C9orf85: variants seen among roughly 807,000 people sequenced by gnomAD.
The protein encoded by C9orf85 is uncharacterized protein C9orf85.
A neutral mutation model predicts 14.9 loss-of-function variants in C9orf85; 16 were observed. That is an observed-to-expected ratio of 1.08 (90% CI 0.73 to 1.63). The LOEUF is 1.63. Among genes scored for constraint, C9orf85 ranks in the 40% most tolerant of loss-of-function variants. The probability of loss-of-function intolerance (pLI) is 0.00; values close to 1 mark genes in which losing one functional copy is unlikely to be tolerated. For missense variants in C9orf85, 172 were observed against 186.1 expected, an observed-to-expected ratio of 0.92 and a Z score of 0.44; for synonymous variants, 45 against 56.8, an observed-to-expected ratio of 0.79 and a Z score of 0.93.
intron 2 of C9orf85, among the ~76,000 whole-genome samples, chr9:71,967,578 T>C (rs1385300027): frequency 4.6e-5 from 7 of 152,224 alleles, no homozygotes; most frequent in African/African-American, 1.7e-4. Flanking sequence ...ACCCCATATA[T>C]TGTGATTTTA....
At chr9:71,931,127 A>AT (rs1427222906) in intron 1 of C9orf85, among the ~76,000 whole-genome samples, 2 of 152,244 alleles carry the variant, frequency 1.3e-5, no homozygotes, top group African/African-American at 2.4e-5. Flanking sequence ...TGCAGTACCC[A>AT]TGTCAATCCA....
At chr9:71,959,939 T>A (rs1430914609) in intron 2 of C9orf85, among the ~76,000 whole-genome samples, 3 of 152,190 alleles carry the variant, frequency 2.0e-5, no homozygotes, top group Admixed American at 6.5e-5. Flanking sequence ...GCATCCTCAA[T>A]GTACAAGACA....
chr9:71,915,593 A>G (rs1827627990), intron 1 of C9orf85, among the ~76,000 whole-genome samples: 1 of 152,238 alleles, frequency 6.6e-6, no homozygotes, highest in Non-Finnish European at 1.5e-5. Flanking sequence ...AAAGAAATGC[A>G]TGCTTGTTGA....
At chr9:71,912,074 C>T in intron 1 of C9orf85, 1 of 526,584 alleles carries the variant, frequency 1.9e-6, no homozygotes, top group Non-Finnish European at 3.5e-6. Flanking sequence ...ACAGAGTGAA[C>T]AGGACCCTAA....
At chr9:71,911,992 C>T (rs762189651) in intron 1 of C9orf85, 156 bp downstream of exon 1, 7 of 712,156 alleles carry the variant, frequency 9.8e-6, no homozygotes, top group Non-Finnish European at 1.8e-5. Flanking sequence ...ATGTTATTCT[C>T]ACGCCCTTTC....
intron 2 of C9orf85, among the ~76,000 whole-genome samples, chr9:71,964,411 A>G (rs1267811169): frequency 6.6e-6 from 1 of 152,036 alleles, no homozygotes; most frequent in African/African-American, 2.4e-5. Flanking sequence ...TTGGGTCTAC[A>G]CTGCCTTTAT....
At chr9:71,937,082 T>C (rs973461729) in intron 1 of C9orf85, among the ~76,000 whole-genome samples, 3 of 152,226 alleles carry the variant, frequency 2.0e-5, no homozygotes, top group Non-Finnish European at 2.9e-5. Flanking sequence ...AAAGTTGCGA[T>C]AGATTTATCA....
In C9orf85 at chr9:71,982,760, C is replaced by T. The variant is rs1049189606; in HGVS notation, c.427C>T (p.Arg143Ter). 2 of 349,120 alleles carry T rather than the reference C, an allele frequency of 5.7e-6. No homozygotes were observed. Among genetic ancestry groups the T allele is most frequent in the East Asian group, 1.0e-4 (1 of 9,872 alleles). 21.6% of individuals were successfully genotyped at this position (349,120 alleles called of 1,614,324 possible). The change falls in exon 4 of 4, where the codon CGA becomes TGA. Residue 143 changes from arginine to a stop codon, truncating the protein, a stop_gained. Transcript: ENST00000377031. LOFTEE classifies it high-confidence loss of function. ...AAGTGATTCTCCTGCCTCAGCCTCT[C>T]GAGTAGCTGGGACTACAGGCGCACA...
At chr9:71,916,663 C>A (rs1359952719) in intron 1 of C9orf85, among the ~76,000 whole-genome samples, 1 of 152,100 alleles carries the variant, frequency 6.6e-6, no homozygotes, top group Non-Finnish European at 1.5e-5. Context: ...TTTATTAATA[C>A]AAGTTGAGTA....
At chr9:71,933,999 G>GTA (rs1274522860) in intron 1 of C9orf85, among the ~76,000 whole-genome samples, 10 of 152,102 alleles carry the variant, frequency 6.6e-5, no homozygotes, top group Admixed American at 5.9e-4. Flanking sequence ...TCAAGCCAGT[G>GTA]TATAATCTCC....
downstream of C9orf85, among the ~76,000 whole-genome samples, chr9:71,973,862 T>TTG (rs1554709952): frequency 1.3e-5 from 2 of 149,966 alleles, no homozygotes; most frequent in East Asian, 3.9e-4. Context: ...GTTTTGTTGT[T>TTG]TTTTTTTTTT....
At chr9:71,963,852 C>T (rs1327861662) in intron 2 of C9orf85, among the ~76,000 whole-genome samples, 1 of 152,200 alleles carries the variant, frequency 6.6e-6, no homozygotes, top group African/African-American at 2.4e-5. Flanking sequence ...CAACCTGAGC[C>T]TCCCCTACCA....
At chr9:71,952,881 A>AG (rs2132320979) in intron 2 of C9orf85, among the ~76,000 whole-genome samples, 1 of 151,894 alleles carries the variant, frequency 6.6e-6, no homozygotes, top group South Asian at 2.1e-4. Flanking sequence ...TTAAAAAAAA[A>AG]AAATCACCAG....
chr9:71,965,845 T>A (rs1044307448), intron 2 of C9orf85, among the ~76,000 whole-genome samples: 1 of 152,246 alleles, frequency 6.6e-6, no homozygotes, highest in Non-Finnish European at 1.5e-5. Context: ...AGTTGTGGTA[T>A]ATGTATGGTC....
At chr9:71,966,169 C>T (rs1487275905) in intron 2 of C9orf85, among the ~76,000 whole-genome samples, 1 of 152,168 alleles carries the variant, frequency 6.6e-6, no homozygotes, top group Admixed American at 6.5e-5. Flanking sequence ...TATTTCTGTA[C>T]TGCACTTTAC....
At chr9:71,964,890 A>C (rs1022640413) in intron 2 of C9orf85, among the ~76,000 whole-genome samples, 3 of 152,194 alleles carry the variant, frequency 2.0e-5, no homozygotes, top group African/African-American at 7.2e-5. Flanking sequence ...TAGCTCAGTT[A>C]GGACGAACCC....
intron 2 of C9orf85, among the ~76,000 whole-genome samples, chr9:71,961,699 A>G (rs997562264): frequency 3.3e-5 from 5 of 152,312 alleles, no homozygotes; most frequent in Non-Finnish European, 7.4e-5. Context: ...TTTGTTGCCC[A>G]CAACCATGGT....
At chr9:71,964,880 T>G (rs948236389) in intron 2 of C9orf85, among the ~76,000 whole-genome samples, 4 of 152,172 alleles carry the variant, frequency 2.6e-5, no homozygotes, top group African/African-American at 9.7e-5. Context: ...GACTAGTGTT[T>G]AGCTCAGTTA....
intron 2 of C9orf85, among the ~76,000 whole-genome samples, chr9:71,950,677 T>C (rs1376038999): frequency 6.6e-6 from 1 of 152,206 alleles, no homozygotes; most frequent in African/African-American, 2.4e-5. Context: ...GCCTTGGATA[T>C]ATCTTTTGTA....
Sources: allele counts gnomAD v4.1 joint callset (sites outside exome capture counted in the v4.1 genomes callset), GRCh38; gene constraint gnomAD v4.1.1; transcripts MANE v1.5; gene names NCBI Gene and HGNC (gene_info 2026-07-23, HGNC 2026-07-21).